PAPPA: variants seen among roughly 807,000 people sequenced by gnomAD.
PAPPA encodes the protein pappalysin 1, also known as pappalysin-1.
PAPPA carries 60 observed loss-of-function variants against 164.0 expected under a neutral mutation model. The observed-to-expected ratio is 0.37, with a 90% CI of 0.30 to 0.45. PAPPA has a LOEUF of 0.45. Ranked by LOEUF, PAPPA falls within the 20% of genes least tolerant of loss-of-function variation. The pLI, the probability that PAPPA is intolerant of heterozygous loss-of-function variation, is 1.00. For synonymous variants in PAPPA, 875 were observed against 814.1 expected (o/e 1.07, Z -1.27); for missense variants, 1,782 against 2,087.3 (o/e 0.85, Z 2.85).
intron 13 of PAPPA, among the ~76,000 whole-genome samples, chr9:116,337,766 G>C (rs1443077333): frequency 2.6e-5 from 4 of 151,926 alleles, no homozygotes; most frequent in East Asian, 1.9e-4. Context: ...CCTGAGAGCA[G>C]TGTGATGCCT....
intron 1 of PAPPA, among the ~76,000 whole-genome samples, chr9:116,164,744 T>C (rs552785222): frequency 2.1e-4 from 32 of 152,308 alleles, no homozygotes; most frequent in Admixed American, 8.5e-4. Flanking sequence ...GAGGGGGTTA[T>C]TTTCCCCAGT....
chr9:116,252,113 A>G (rs1022303767), intron 7 of PAPPA, among the ~76,000 whole-genome samples: 3 of 152,242 alleles, frequency 2.0e-5, no homozygotes, highest in Non-Finnish European at 4.4e-5. Context: ...TGTGTTTTAA[A>G]TTAGTACCAG....
intron 3 of PAPPA, among the ~76,000 whole-genome samples, chr9:116,209,794 G>C (rs1844284417): frequency 6.6e-6 from 1 of 152,184 alleles, no homozygotes; most frequent in Non-Finnish European, 1.5e-5. Context: ...GAGAGACAGA[G>C]AATCATTGGC....
Position 116,256,930 on chromosome 9 carries a change from G to GTTTT in PAPPA, c.2733-8920_2733-8917dup, listed in dbSNP as rs34511305. Among the ~76,000 whole-genome samples, 1,060 of 148,880 alleles carry GTTTT rather than the reference G, an allele frequency of 7.1e-3. 14 individuals are homozygous for GTTTT. The highest frequency in any genetic ancestry group is 0.042 in the Middle Eastern group (12 of 286). ...ATAGAGATGTAGACTATTTTTTAAA[G>GTTTT]TTTTTTTTTTACCATGTACTAGGCC... On this transcript the variant is annotated intron_variant, in intron 7 of 21. Transcript: ENST00000328252.
At chr9:116,225,111 C>T (rs1844489965) in intron 5 of PAPPA, among the ~76,000 whole-genome samples, 1 of 152,186 alleles carries the variant, frequency 6.6e-6, no homozygotes, top group Admixed American at 6.5e-5. Context: ...CACAATGAAA[C>T]ATCTAAAGCA....
chr9:116,185,093 A>G (rs1193895353), intron 1 of PAPPA, among the ~76,000 whole-genome samples: 2 of 152,202 alleles, frequency 1.3e-5, no homozygotes, highest in Admixed American at 6.5e-5. Flanking sequence ...GTTACCTTGC[A>G]TGCTAGTCAT....
rs370681613 is a variant in PAPPA, at chr9:116,359,318, C to T, written c.4348-3274C>T. Among the ~76,000 whole-genome samples the T allele has an allele frequency of 1.2e-4, 18 of 152,302 alleles. No homozygotes were observed. The East Asian group carries it at 1.5e-3, about 13-fold the overall frequency. ...ATATTATTATATGCCTTCAGCTCTC[C>T]GTGGATCTGTGTAGCTAAAGCAGCA... On this transcript the variant is annotated intron_variant, in intron 17 of 21. Transcript: ENST00000328252.
chr9:116,219,215 G>C (rs374895), intron 4 of PAPPA, among the ~76,000 whole-genome samples: 82,790 of 152,036 alleles, frequency 0.54, 23,027 homozygotes, highest in East Asian at 0.81. Flanking sequence ...CGTCTTCCTC[G>C]CTTTATCAGT....
At chr9:116,310,349 A>G (rs11795279) in intron 10 of PAPPA, among the ~76,000 whole-genome samples, 14,513 of 152,148 alleles carry the variant, frequency 0.095, 744 homozygotes, top group South Asian at 0.15. Context: ...CAAATACCCA[A>G]AGGATCTGCT....
intron 17 of PAPPA, among the ~76,000 whole-genome samples, chr9:116,354,537 C>A (rs891029640): frequency 6.6e-6 from 1 of 152,136 alleles, no homozygotes; most frequent in Admixed American, 6.5e-5. Context: ...TTCAATCAGT[C>A]TTTATTGGTC....
intron 9 of PAPPA, among the ~76,000 whole-genome samples, chr9:116,294,962 A>G (rs1434631550): frequency 6.6e-6 from 1 of 152,180 alleles, no homozygotes; most frequent in Non-Finnish European, 1.5e-5. Flanking sequence ...GAATCCACTC[A>G]TCGTTTGGAA....
chr9:116,383,594 A>G (rs1395352230), intron 21 of PAPPA, among the ~76,000 whole-genome samples: 1 of 152,196 alleles, frequency 6.6e-6, no homozygotes. Context: ...CATCCTTAGG[A>G]GAGTTGGTTT....
intron 21 of PAPPA, among the ~76,000 whole-genome samples, chr9:116,387,962 C>A (rs1454068968): frequency 6.6e-6 from 1 of 152,184 alleles, no homozygotes; most frequent in Admixed American, 6.5e-5. Flanking sequence ...CATCTTCTCC[C>A]AGACTTCCTT....
chr9:116,161,989 C>T (rs1232493243), intron 1 of PAPPA, among the ~76,000 whole-genome samples: 1 of 152,108 alleles, frequency 6.6e-6, no homozygotes, highest in East Asian at 1.9e-4. Flanking sequence ...CCCCCAAGGT[C>T]GCACAAAGAT....
rs141975227 is a variant in PAPPA at position 116,224,315 on chromosome 9, G to A, written c.2112-3116G>A. On this transcript the variant is annotated intron_variant, in intron 5 of 21. Coordinates refer to ENST00000328252, the MANE Select transcript of PAPPA (RefSeq NM_002581.5). ...GGGTTGTTTCAGTTATCTGACAATTGGCCATGGTATATTGGAAATAGTACT... is the reference window on the plus strand; with the variant it reads ...GGGTTGTTTCAGTTATCTGACAATTAGCCATGGTATATTGGAAATAGTACT... Among the ~76,000 whole-genome samples the A allele has an allele frequency of 7.2e-5, 11 of 152,212 alleles. No individual in the cohort carries two copies. The East Asian group carries it at 2.1e-3, about 29-fold the overall frequency.
intron 6 of PAPPA, 124 bp from the exon 7 acceptor site, chr9:116,235,015 C>G: frequency 9.7e-7 from 1 of 1,031,928 alleles, no homozygotes; most frequent in Non-Finnish European, 1.4e-6. Context: ...CAAGAACCTT[C>G]CTCTCCTTTT....
At chr9:116,210,730 A>G (rs1289829499) in intron 3 of PAPPA, among the ~76,000 whole-genome samples, 1 of 152,162 alleles carries the variant, frequency 6.6e-6, no homozygotes, top group African/African-American at 2.4e-5. Flanking sequence ...TTCTCAAACC[A>G]GAATATACAG....
At chr9:116,211,959 A>T (rs1054282575) in intron 4 of PAPPA, 27 bp downstream of exon 4, 3 of 1,600,416 alleles carry the variant, frequency 1.9e-6, no homozygotes, top group Non-Finnish European at 1.7e-6. Flanking sequence ...TGTAGGGTGA[A>T]CAGGTCTGGA....
At chr9:116,300,309 G>A (rs751055975) in intron 9 of PAPPA, among the ~76,000 whole-genome samples, 6 of 151,680 alleles carry the variant, frequency 4.0e-5, no homozygotes, top group Non-Finnish European at 4.4e-5. Flanking sequence ...ACAGGGTCTT[G>A]CTCTGTCACC....
Sources: gnomAD v4.1 joint callset for allele counts (sites outside exome capture counted in the v4.1 genomes callset) on GRCh38, gnomAD v4.1.1 for gene constraint, MANE v1.5 for transcripts, NCBI Gene and HGNC (gene_info 2026-07-23, HGNC 2026-07-21) for gene names.